Variants in SPATA17 observed in about 807,000 individuals in gnomAD.
SPATA17 encodes spermatogenesis-associated protein 17.
In SPATA17, 53 loss-of-function variants were observed where a neutral mutation model predicts 62.2. The ratio of observed to expected loss-of-function variants is 0.85; its 90% CI spans 0.68 to 1.07. The LOEUF (loss-of-function observed/expected upper bound fraction) is 1.07. SPATA17 is among the 50% of genes least tolerant of loss of function. The probability of loss-of-function intolerance (pLI) is 0.00; values close to 1 mark genes in which losing one functional copy is unlikely to be tolerated. For missense variants in SPATA17, 466 were observed against 425.5 expected (o/e 1.10, Z -0.84); for synonymous variants, 146 against 146.8 (o/e 0.99, Z 0.04).
intron 3 of SPATA17, among the ~76,000 whole-genome samples, chr1:217,652,883 A>G (rs1441669417): frequency 6.6e-6 from 1 of 152,168 alleles, no homozygotes; most frequent in African/African-American, 2.4e-5. Context: ...TGTCTTTAAA[A>G]TGAGGATAAG....
At chr1:217,853,594 G>A (rs1675711498) in intron 9 of SPATA17, among the ~76,000 whole-genome samples, 1 of 152,166 alleles carries the variant, frequency 6.6e-6, no homozygotes, top group Admixed American at 6.6e-5. Context: ...GTTATCTGCA[G>A]TAGTTATGTT....
chr1:217,656,719 G>A (rs976500740), intron 3 of SPATA17, among the ~76,000 whole-genome samples: 1 of 152,114 alleles, frequency 6.6e-6, no homozygotes, highest in Non-Finnish European at 1.5e-5. Context: ...GTGGAACATT[G>A]CATTAAGCAT....
chr1:217,722,786 A>G (rs528090125), intron 5 of SPATA17, among the ~76,000 whole-genome samples: 12 of 152,222 alleles, frequency 7.9e-5, no homozygotes, highest in Non-Finnish European at 1.8e-4. Context: ...CATTGTTTTA[A>G]TCACTACCCC....
chr1:217,651,803 A>G (rs952371201), intron 3 of SPATA17, among the ~76,000 whole-genome samples: 3 of 152,186 alleles, frequency 2.0e-5, no homozygotes, highest in African/African-American at 4.8e-5. Flanking sequence ...TATACTAGCT[A>G]TTATTTATTA....
At chr1:217,860,860 C>T (rs1277878355) in intron 9 of SPATA17, among the ~76,000 whole-genome samples, 1 of 152,046 alleles carries the variant, frequency 6.6e-6, no homozygotes, top group Non-Finnish European at 1.5e-5. Context: ...TCAATATATA[C>T]CAAATTTGTA....
chr1:217,856,829 A>G (rs12062323), intron 9 of SPATA17, among the ~76,000 whole-genome samples: 7,370 of 152,250 alleles, frequency 0.048, 586 homozygotes, highest in African/African-American at 0.16. Context: ...TCTACATGCA[A>G]TGAGAGCAAA....
intron 4 of SPATA17, among the ~76,000 whole-genome samples, chr1:217,670,223 T>C (rs933733198): frequency 1.3e-5 from 2 of 152,184 alleles, no homozygotes; most frequent in African/African-American, 2.4e-5. Context: ...TCTTACTTCA[T>C]GTCAGATGTA....
At chr1:217,832,884 C>T (rs971682340) in intron 9 of SPATA17, among the ~76,000 whole-genome samples, 4 of 151,576 alleles carry the variant, frequency 2.6e-5, no homozygotes, top group African/African-American at 9.7e-5. Context: ...ATCGAGGCTG[C>T]AGTGAGCTGG....
rs539517802 is a variant in SPATA17, at chr1:217,850,474, C to A, written c.1006-12300C>A. 5.4e-6 allele frequency: 7 copies of A among 1,303,082 alleles called. No individual in the cohort carries two copies. In the East Asian group the frequency reaches 1.6e-4, roughly 29 times the overall value. 80.7% of individuals were successfully genotyped at this position (1,303,082 alleles called of 1,614,324 possible). On this transcript the variant is annotated intron_variant, in intron 9 of 10. Coordinates refer to ENST00000366933, the MANE Select transcript of SPATA17 (RefSeq NM_138796.4). ...CTGGATGTTGTAGTCAGAAAGAGTA[C>A]AGCCTCTTCTAGCTGCATGCCTGCA...
intron 6 of SPATA17, among the ~76,000 whole-genome samples, chr1:217,762,830 G>C (rs1447349961): frequency 3.3e-5 from 5 of 152,146 alleles, no homozygotes; most frequent in African/African-American, 1.2e-4. Context: ...AAATTAGCTG[G>C]GCGTGGTGGT....
chr1:217,697,334 C>T (rs1671481922), intron 5 of SPATA17, among the ~76,000 whole-genome samples: 1 of 152,182 alleles, frequency 6.6e-6, no homozygotes, highest in Non-Finnish European at 1.5e-5. Context: ...TCATCACTTT[C>T]TTGGAATCCA....
At position 217,867,971 on chromosome 1, in the gene SPATA17, A is replaced by T. The variant is rs1292100668; in HGVS notation, c.*952A>T. On this transcript the variant is annotated 3_prime_UTR_variant, in exon 11 of 11. Coordinates refer to ENST00000366933, the MANE Select transcript of SPATA17 (RefSeq NM_138796.4). ...TAATTTAAAATTGCTGGCCAGCGAAATCCAGACTCTGGGAAATGTTATAGG... is the reference window on the plus strand; with the variant it reads ...TAATTTAAAATTGCTGGCCAGCGAATTCCAGACTCTGGGAAATGTTATAGG... 6.6e-6 allele frequency: 1 copy of T among 152,206 alleles called. No homozygotes were observed. Among genetic ancestry groups the T allele is most frequent in the Non-Finnish European group, 1.5e-5 (1 of 68,028 alleles). The allele number at this position is 152,206 out of a possible 1,614,324, so 9.4% of individuals were successfully genotyped here.
intron 9 of SPATA17, among the ~76,000 whole-genome samples, chr1:217,853,418 A>T (rs1445418217): frequency 2.0e-5 from 3 of 152,168 alleles, no homozygotes; most frequent in South Asian, 2.1e-4. Context: ...TTTTCAACTC[A>T]TTAGTTCATT....
intron 5 of SPATA17, among the ~76,000 whole-genome samples, chr1:217,684,298 C>T (rs547430723): frequency 7.0e-4 from 107 of 152,068 alleles, no homozygotes; most frequent in Non-Finnish European, 1.1e-3. Context: ...ATATAAATGA[C>T]CATATGCATA....
intron 9 of SPATA17, among the ~76,000 whole-genome samples, chr1:217,859,348 T>C (rs887081137): frequency 6.7e-6 from 1 of 150,108 alleles, no homozygotes; most frequent in Admixed American, 6.7e-5. Context: ...ATTTTCTATA[T>C]ATATAATTTC....
intron 1 of SPATA17, among the ~76,000 whole-genome samples, chr1:217,643,408 G>T (rs1472933524): frequency 6.6e-6 from 1 of 151,974 alleles, no homozygotes; most frequent in African/African-American, 2.4e-5. Context: ...ACCTTCATGT[G>T]CAGATTCTTT....
chr1:217,665,179 A>G (rs1190131103), intron 3 of SPATA17: 1 of 152,196 alleles, frequency 6.6e-6, no homozygotes, highest in Non-Finnish European at 1.5e-5. Flanking sequence ...AAACCTAAAT[A>G]TGGGATATAC....
chr1:217,656,842 C>T (rs1432672562), intron 3 of SPATA17, among the ~76,000 whole-genome samples: 1 of 152,164 alleles, frequency 6.6e-6, no homozygotes, highest in African/African-American at 2.4e-5. Flanking sequence ...CTCAAGGACA[C>T]ACTGCTATTG....
At chr1:217,734,878 C>T (rs1395602118) in intron 5 of SPATA17, among the ~76,000 whole-genome samples, 2 of 152,106 alleles carry the variant, frequency 1.3e-5, no homozygotes, top group African/African-American at 4.8e-5. Context: ...GAGGTGGGGT[C>T]TGAGAAAGTG....
Sources: allele counts gnomAD v4.1 joint callset (sites outside exome capture counted in the v4.1 genomes callset), GRCh38; gene constraint gnomAD v4.1.1; transcripts MANE v1.5; gene names NCBI Gene and HGNC (gene_info 2026-07-23, HGNC 2026-07-21).